The following SYT16 variants were observed in gnomAD, a reference collection of about 807,000 sequenced individuals.
SYT16 encodes the protein synaptotagmin 16, also known as synaptotagmin-16.
In SYT16, 42 loss-of-function variants were observed where a neutral mutation model predicts 61.4. The observed-to-expected ratio is 0.68, with a 90% CI of 0.53 to 0.89. SYT16 has a LOEUF of 0.89. Ranked by LOEUF, SYT16 falls within the 40% of genes least tolerant of loss-of-function variation. SYT16 has a pLI of 0.00. For synonymous variants in SYT16, 314 were observed against 302.3 expected (o/e 1.04, Z -0.40); for missense variants, 804 against 807.3 (o/e 1.00, Z 0.05).
At chr14:61,893,213 A>C (rs2048203087) in intron 1 of SYT16, among the ~76,000 whole-genome samples, 1 of 152,232 alleles carries the variant, frequency 6.6e-6, no homozygotes, top group Non-Finnish European at 1.5e-5. Flanking sequence ...AGCACACAGC[A>C]TTGTTATGGC....
rs138259554 is a variant in SYT16 at position 61,940,948 on chromosome 14, A to T, written c.-324-29184A>T. Among the ~76,000 whole-genome samples, 394 of 152,312 alleles carry T rather than the reference A, an allele frequency of 2.6e-3. 3 individuals are homozygous for T. Among genetic ancestry groups the T allele is most frequent in the African/African-American group, 9.0e-3 (373 of 41,566 alleles). The stretch of plus-strand genomic sequence containing the variant: ...GCCTTCCCTTCCAGACTCCACTGAA[A>T]TGAAAGGCTTCCTGGGCCTTAGGGG... On this transcript the variant is annotated intron_variant, in intron 1 of 7. Coordinates refer to ENST00000683842, the MANE Select transcript of SYT16 (RefSeq NM_001367656.1).
chr14:61,914,708 AAT>A (rs1299418719), intron 1 of SYT16, among the ~76,000 whole-genome samples: 1 of 152,180 alleles, frequency 6.6e-6, no homozygotes, highest in Non-Finnish European at 1.5e-5. Context: ...TCTCCTCAAA[AAT>A]ATATCCACAT....
At chr14:61,829,938 G>A (rs191070871) in intron 1 of SYT16, among the ~76,000 whole-genome samples, 1 of 152,260 alleles carries the variant, frequency 6.6e-6, no homozygotes, top group East Asian at 1.9e-4. Context: ...ACAGGCATGA[G>A]CCACCATGCC....
At chr14:62,050,371 G>A (rs939357005) in intron 3 of SYT16, among the ~76,000 whole-genome samples, 5 of 152,014 alleles carry the variant, frequency 3.3e-5, no homozygotes, top group African/African-American at 7.2e-5. Flanking sequence ...TTAGCCATTC[G>A]TCCAATTTTT....
chr14:61,817,011 ACACACACACAC>A (rs2045458148), intron 1 of SYT16, among the ~76,000 whole-genome samples: 10 of 134,532 alleles, frequency 7.4e-5, no homozygotes, highest in African/African-American at 2.2e-4. Flanking sequence ...GCTCCGTCAC[ACACACACACAC>A]ACACACAAAA....
At chr14:62,058,624 A>T (rs568703836) in intron 3 of SYT16, among the ~76,000 whole-genome samples, 16 of 152,096 alleles carry the variant, frequency 1.1e-4, no homozygotes, top group African/African-American at 3.9e-4. Flanking sequence ...TTGGCCTCCC[A>T]AAGTGCTGGG....
intron 1 of SYT16, among the ~76,000 whole-genome samples, chr14:61,835,407 T>C (rs374290950): frequency 6.6e-6 from 1 of 151,728 alleles, no homozygotes; most frequent in African/African-American, 2.4e-5. Flanking sequence ...TACAGGCGCC[T>C]GCCACCATGC....
At chr14:62,040,585 G>A (rs983054497) in intron 3 of SYT16, among the ~76,000 whole-genome samples, 69 of 152,150 alleles carry the variant, frequency 4.5e-4, no homozygotes, top group African/African-American at 1.5e-3. Context: ...AAGATATTTT[G>A]TCTAAGTATA....
At chr14:62,054,986 A>G (rs2055482143) in intron 3 of SYT16, among the ~76,000 whole-genome samples, 1 of 152,228 alleles carries the variant, frequency 6.6e-6, no homozygotes, top group Admixed American at 6.5e-5. Flanking sequence ...ATCTATGGCA[A>G]TGAGATTAAA....
chr14:62,016,201 A>G (rs189520356), intron 3 of SYT16, among the ~76,000 whole-genome samples: 1 of 152,196 alleles, frequency 6.6e-6, no homozygotes, highest in Non-Finnish European at 1.5e-5. Context: ...AAATGAAGTC[A>G]TGATGTTTCA....
intron 1 of SYT16, chr14:61,865,129 C>G (rs1221028315): frequency 7.7e-7 from 1 of 1,292,878 alleles, no homozygotes; most frequent in East Asian, 2.3e-5. Flanking sequence ...TCTGTGGCTC[C>G]TCAGCCACCG....
intron 5 of SYT16, among the ~76,000 whole-genome samples, chr14:62,078,296 C>T (rs936072379): frequency 5.9e-5 from 9 of 151,866 alleles, no homozygotes; most frequent in South Asian, 2.1e-4. Context: ...GTATTGGATA[C>T]GAGTTAAGGC....
chr14:62,015,865 C>T (rs1209196375), intron 3 of SYT16, among the ~76,000 whole-genome samples: 2 of 152,152 alleles, frequency 1.3e-5, no homozygotes, highest in African/African-American at 4.8e-5. Context: ...GTTATAGCAG[C>T]CTGAACGAAC....
At chr14:61,835,134 G>A (rs935462319) in intron 1 of SYT16, among the ~76,000 whole-genome samples, 1 of 151,882 alleles carries the variant, frequency 6.6e-6, no homozygotes, top group African/African-American at 2.4e-5. Flanking sequence ...TTTAAGAACA[G>A]CAAAAAACAG....
At chr14:61,984,941 G>T (rs1414713299) in intron 2 of SYT16, among the ~76,000 whole-genome samples, 1 of 152,066 alleles carries the variant, frequency 6.6e-6, no homozygotes, top group Admixed American at 6.6e-5. Flanking sequence ...TTTGATTGGG[G>T]TCACTTTGGC....
At chr14:62,011,734 T>A (rs1191301816) in intron 3 of SYT16, among the ~76,000 whole-genome samples, 1 of 152,012 alleles carries the variant, frequency 6.6e-6, no homozygotes, top group Non-Finnish European at 1.5e-5. Context: ...TGACATTGAA[T>A]GCTGTTTACA....
chr14:61,860,822 G>C (rs996961347), intron 1 of SYT16, among the ~76,000 whole-genome samples: 3 of 151,714 alleles, frequency 2.0e-5, no homozygotes, highest in African/African-American at 7.3e-5. Flanking sequence ...TAGCTATGTT[G>C]ATACAGGCAG....
chr14:61,884,385 C>T (rs924149066), intron 1 of SYT16, among the ~76,000 whole-genome samples: 12 of 152,194 alleles, frequency 7.9e-5, no homozygotes, highest in Non-Finnish European at 1.3e-4. Context: ...TTAATTATTA[C>T]GTCGCCTCCT....
rs140509901 is a variant in SYT16, at chr14:62,086,394, C to T, written c.1624+2009C>T. 3.5e-3 allele frequency among the ~76,000 whole-genome samples: 526 copies of T among 152,222 alleles called. 3 individuals are homozygous for T. The highest frequency in any genetic ancestry group is 0.012 in the African/African-American group (495 of 41,528). ...ACTTGGGAGGCTGAGGCCAGAGAAT[C>T]GCTTGAACCGAGGAGGTGGAGGTTG... On this transcript the variant is annotated intron_variant, in intron 7 of 7. Coordinates refer to ENST00000683842, the MANE Select transcript of SYT16 (RefSeq NM_001367656.1).
Sources: gnomAD v4.1 joint callset for allele counts (sites outside exome capture counted in the v4.1 genomes callset) on GRCh38, gnomAD v4.1.1 for gene constraint, MANE v1.5 for transcripts, NCBI Gene and HGNC (gene_info 2026-07-23, HGNC 2026-07-21) for gene names.